GOLT1A: variants seen among roughly 807,000 people sequenced by gnomAD.
GOLT1A encodes the protein golgi transport 1A.
Under a neutral mutation model 16.1 loss-of-function variants are expected in GOLT1A, and 10 were observed. The ratio of observed to expected loss-of-function variants is 0.62; its 90% CI spans 0.38 to 1.05. The LOEUF is 1.05. GOLT1A is among the 50% of genes least tolerant of loss of function. The probability of loss-of-function intolerance (pLI) is 0.01; values close to 1 mark genes in which losing one functional copy is unlikely to be tolerated. For missense variants in GOLT1A, 137 were observed against 165.7 expected, an observed-to-expected ratio of 0.83 and a Z score of 0.95; for synonymous variants, 60 against 67.9, an observed-to-expected ratio of 0.88 and a Z score of 0.57.
intron 4 of GOLT1A, 161 bp downstream of exon 4, chr1:204,199,034 G>A: frequency 1.6e-6 from 1 of 626,830 alleles, no homozygotes; most frequent in East Asian, 2.8e-5. Context: ...GAAGGTGCGG[G>A]GGGAAGAGGA....
chr1:204,209,874 A>G (rs1333041638), intron 1 of GOLT1A, among the ~76,000 whole-genome samples: 3 of 152,156 alleles, frequency 2.0e-5, no homozygotes, highest in Non-Finnish European at 2.9e-5. Context: ...CCTGGCCAAC[A>G]TGATGAAACC....
Position 204,198,597 on chromosome 1 carries a change from C to T in GOLT1A, c.361-101G>A, listed in dbSNP as rs540034270. ...CTTGAGAGCCAGGAGCTGTGCCAGG[C>T]GCAGATACGAGAGGGGCTGTAGGGG... On this transcript the variant is annotated intron_variant, in intron 4 of 4. Coordinates refer to ENST00000308302, the MANE Select transcript of GOLT1A (RefSeq NM_198447.2). 5.1e-5 allele frequency: 58 copies of T among 1,137,804 alleles called. 1 individual carries two copies. The highest frequency in any genetic ancestry group is 4.0e-4 in the African/African-American group (26 of 64,516). The allele number at this position is 1,137,804 out of a possible 1,614,324, so 70.5% of individuals were successfully genotyped here.
At chr1:204,202,402 C>T (rs1312670220) in intron 2 of GOLT1A, among the ~76,000 whole-genome samples, 1 of 151,930 alleles carries the variant, frequency 6.6e-6, no homozygotes, top group Non-Finnish European at 1.5e-5. Flanking sequence ...GTTCCAATCC[C>T]CCTGGAAGTG....
intron 1 of GOLT1A, among the ~76,000 whole-genome samples, chr1:204,212,632 G>A (rs1197990462): frequency 7.6e-5 from 4 of 52,348 alleles, no homozygotes. Flanking sequence ...GTGAGACTCT[G>A]TCTCAAAAAA....
intron 1 of GOLT1A, 95 bp from the exon 2 acceptor site, chr1:204,203,082 T>C: frequency 1.2e-6 from 1 of 836,276 alleles, no homozygotes; most frequent in Non-Finnish European, 2.0e-6. Context: ...GTGCCCTCTA[T>C]GGGGGTGACT....
intron 1 of GOLT1A, among the ~76,000 whole-genome samples, chr1:204,208,478 A>ATG (rs1659086659): frequency 2.1e-5 from 1 of 47,060 alleles, no homozygotes; most frequent in Non-Finnish European, 4.7e-5. Context: ...GTGTGTGTGT[A>ATG]TATATATATA....
intron 3 of GOLT1A, among the ~76,000 whole-genome samples, chr1:204,200,804 C>A (rs530496779): frequency 1.1e-4 from 16 of 152,306 alleles, no homozygotes; most frequent in East Asian, 7.7e-4. Flanking sequence ...GAGCCCCACA[C>A]CTTTCCATGA....
chr1:204,208,502 A>ATAT (rs1491494433), intron 1 of GOLT1A, among the ~76,000 whole-genome samples: 13 of 62,066 alleles, frequency 2.1e-4, no homozygotes, highest in Admixed American at 3.0e-4. Flanking sequence ...ATATATATAT[A>ATAT]AAAAATGAAC....
chr1:204,203,108 A>C, intron 1 of GOLT1A, 121 bp from the exon 2 acceptor site: 1 of 692,858 alleles, frequency 1.4e-6, no homozygotes, highest in East Asian at 2.7e-5. Flanking sequence ...TCCATCCAGG[A>C]ATCTCAGCTT....
In GOLT1A at chr1:204,199,585, A is replaced by G. The variant is rs1178464385; in HGVS notation, c.297-327T>C. Reference sequence around the variant, plus strand: ...CAGTATCTACATCATAAGGCCACGTACAAAGAAATGCTCAGGAAGTGCTTA... The same window carrying G: ...CAGTATCTACATCATAAGGCCACGTGCAAAGAAATGCTCAGGAAGTGCTTA... On this transcript the variant is annotated intron_variant, in intron 3 of 4. Coordinates refer to ENST00000308302, the MANE Select transcript of GOLT1A (RefSeq NM_198447.2). Among the ~76,000 whole-genome samples the G allele has an allele frequency of 2.0e-5, 3 of 152,214 alleles. No homozygotes were observed. In the East Asian group the frequency reaches 5.8e-4, roughly 29 times the overall value.
chr1:204,198,173 A>G lies in GOLT1A; in HGVS notation c.*285T>C. ...ACTCTGAGCCTTAGACACACGCACA[A>G]CTTGGGAATTTAATCTTCACTTTTC... On this transcript the variant is annotated 3_prime_UTR_variant, in exon 5 of 5. Transcript: ENST00000308302. The G allele has an allele frequency of 2.5e-6, 1 of 400,960 alleles. No individual in the cohort carries two copies. Among genetic ancestry groups the G allele is most frequent in the East Asian group, 5.3e-5 (1 of 18,702 alleles). 24.8% of individuals were successfully genotyped at this position (400,960 alleles called of 1,614,324 possible). A position where few individuals can be genotyped will look rare whatever the true frequency, so the allele number is the denominator to read the frequency against.
intron 1 of GOLT1A, 43 bp downstream of exon 1, chr1:204,213,839 C>A (rs759610795): frequency 1.2e-6 from 2 of 1,606,476 alleles, no homozygotes; most frequent in East Asian, 2.2e-5. Flanking sequence ...CGGCAGGGAG[C>A]CTGGCCTGGA....
chr1:204,209,034 A>G lies in GOLT1A; in HGVS notation c.25+4848T>C, dbSNP rs542958312. On this transcript the variant is annotated intron_variant, in intron 1 of 4. Coordinates refer to ENST00000308302, the MANE Select transcript of GOLT1A (RefSeq NM_198447.2). ...TCATTCTGTGTGGTATTTAATGATC[A>G]TGTCTCTTTAAACTCTTCTGTCTGG... Among the ~76,000 whole-genome samples, 5 of 152,254 alleles carry G rather than the reference A, an allele frequency of 3.3e-5. No individual in the cohort carries two copies. In the South Asian group the frequency reaches 6.2e-4, roughly 19 times the overall value.
At chr1:204,206,451 A>G (rs4373805) in intron 1 of GOLT1A, among the ~76,000 whole-genome samples, 32,816 of 152,262 alleles carry the variant, frequency 0.22, 4,260 homozygotes, top group African/African-American at 0.38. Context: ...CAGAGACAAC[A>G]CATTGAGAAT....
At chr1:204,199,142 TC>T in intron 4 of GOLT1A, 52 bp downstream of exon 4, 1 of 1,457,270 alleles carries the variant, frequency 6.9e-7, no homozygotes, top group Non-Finnish European at 9.4e-7. Flanking sequence ...CTCCGTGTGC[TC>T]CCCCTCACTC....
In GOLT1A at chr1:204,199,233, AG is replaced by A. The variant is rs761192690; in HGVS notation, c.321del (p.Phe108SerfsTer30). The A allele has an allele frequency of 6.2e-7, 1 of 1,604,288 alleles. No individual in the cohort carries two copies. Among genetic ancestry groups the A allele is most frequent in the South Asian group, 1.1e-5 (1 of 88,256 alleles). On this transcript the variant is annotated frameshift_variant, in exon 4 of 5. Transcript: ENST00000308302. LOFTEE classifies it high-confidence loss of function. ...LFKGFFPVAF[G>X]FLGNVCNIPF... ...GGGATGTTGCAGACATTGCCCAGGA[AG>A]CCGAAGGCGACAGGGAAAAAGCCCC...
chr1:204,213,796 T>A, intron 1 of GOLT1A, 86 bp downstream of exon 1: 1 of 1,480,808 alleles, frequency 6.8e-7, no homozygotes, highest in Non-Finnish European at 9.3e-7. Context: ...ACGCTTGTAG[T>A]GACAGAGAGC....
chr1:204,212,636 CAAA>C lies in GOLT1A; in HGVS notation c.25+1243_25+1245del, dbSNP rs34059752. ...TGAGCGACAGAGTGAGACTCTGTCT[CAAA>C]AAAAAAAAAAAAAAAAAAGAACTGG... On this transcript the variant is annotated intron_variant, in intron 1 of 4. Transcript: ENST00000308302. 8.3e-4 allele frequency among the ~76,000 whole-genome samples: 70 copies of C among 84,150 alleles called. No homozygotes were observed. The South Asian group carries it at 8.6e-3, about 10-fold the overall frequency. 55.2% of individuals were successfully genotyped at this position (84,150 alleles called of 152,430 possible). A position where few individuals can be genotyped will look rare whatever the true frequency, so the allele number is the denominator to read the frequency against.
rs750432619 is a variant in GOLT1A, at chr1:204,199,187, C to T, written c.360+8G>A. ...ACGCCCGCAGGGCTGCAGGCATCAT[C>T]TGCTTACCGCACCCAGGAAGGGGAT... is the stretch of plus-strand genomic sequence containing the variant. On this transcript the variant is annotated splice_region_variant and intron_variant, in intron 4 of 4. Coordinates refer to ENST00000308302, the MANE Select transcript of GOLT1A (RefSeq NM_198447.2). The T allele has an allele frequency of 6.3e-7, 1 of 1,589,446 alleles. No individual in the cohort carries two copies.
Sources: gnomAD v4.1 joint callset for allele counts (sites outside exome capture counted in the v4.1 genomes callset) on GRCh38, gnomAD v4.1.1 for gene constraint, MANE v1.5 for transcripts, NCBI Gene and HGNC (gene_info 2026-07-23, HGNC 2026-07-21) for gene names.